Variants in CRPPA observed in about 807,000 individuals in gnomAD.
CRPPA encodes CDP-L-ribitol pyrophosphorylase A.
Under a neutral mutation model 52.0 loss-of-function variants are expected in CRPPA, and 43 were observed. The ratio of observed to expected loss-of-function variants is 0.83; its 90% CI spans 0.65 to 1.07. The LOEUF is 1.07. Ranked by LOEUF, CRPPA falls within the 50% of genes least tolerant of loss-of-function variation. CRPPA has a pLI of 0.00. For missense variants in CRPPA, 629 were observed against 551.7 expected, an observed-to-expected ratio of 1.14 and a Z score of -1.40; for synonymous variants, 250 against 203.5, an observed-to-expected ratio of 1.23 and a Z score of -1.94.
intron 3 of CRPPA, among the ~76,000 whole-genome samples, chr7:16,327,524 C>T (rs1031757480): frequency 1.0e-3 from 139 of 136,570 alleles, no homozygotes; most frequent in African/African-American, 3.6e-3. Context: ...ACCTGGGAAG[C>T]GGAGCTCGCA....
intron 9 of CRPPA, among the ~76,000 whole-genome samples, chr7:16,215,108 G>A (rs964686402): frequency 2.0e-5 from 3 of 152,158 alleles, no homozygotes; most frequent in African/African-American, 7.2e-5. Context: ...AGTTTCAGAA[G>A]AAATGTTACC....
chr7:16,278,241 A>AG lies in CRPPA; in HGVS notation c.836-16_836-15insC, dbSNP rs779080061. On this transcript the variant is annotated splice_polypyrimidine_tract_variant and intron_variant, in intron 5 of 9. Transcript: ENST00000407010. ...GGAAATTCTCTCTGAAATTAAAAAA[A>AG]AAAAGTTTTAAGTTTCAAACAAAAC... The AG allele has an allele frequency of 1.7e-5, 23 of 1,387,230 alleles. No individual in the cohort carries two copies. In the African/African-American group the frequency reaches 3.2e-4, roughly 19 times the overall value. 85.9% of individuals were successfully genotyped at this position (1,387,230 alleles called of 1,614,324 possible). A position where few individuals can be genotyped will look rare whatever the true frequency, so the allele number is the denominator to read the frequency against.
chr7:16,212,788 A>C (rs1782185415), intron 9 of CRPPA, among the ~76,000 whole-genome samples: 2 of 152,178 alleles, frequency 1.3e-5, no homozygotes, highest in African/African-American at 4.8e-5. Context: ...GGGCCTATAA[A>C]ACTTACACTG....
chr7:16,395,683 G>A (rs1406176414), intron 2 of CRPPA, among the ~76,000 whole-genome samples: 1 of 152,128 alleles, frequency 6.6e-6, no homozygotes, highest in Admixed American at 6.5e-5. Flanking sequence ...GGAATAGAGA[G>A]GCCTTCATTT....
At chr7:16,358,181 A>G (rs1264007375) in intron 3 of CRPPA, among the ~76,000 whole-genome samples, 1 of 152,114 alleles carries the variant, frequency 6.6e-6, no homozygotes, top group East Asian at 1.9e-4. Context: ...AGTAAACACC[A>G]CCGAGTGCCA....
rs367543550 is a variant in CRPPA at position 16,250,558 on chromosome 7, G to A, written c.1119+7832C>T. 5.3e-5 allele frequency among the ~76,000 whole-genome samples: 8 copies of A among 152,246 alleles called. No individual in the cohort carries two copies. In the East Asian group the frequency reaches 9.6e-4, roughly 18 times the overall value. ...AAACTCTACAAGCCAGAAGAGAGTG[G>A]GGGCCAATATTCAACATTCTTAAAG... On this transcript the variant is annotated intron_variant, in intron 8 of 9. Transcript: ENST00000407010.
chr7:16,122,401 C>T (rs1254398591), intron 9 of CRPPA, among the ~76,000 whole-genome samples: 1 of 151,728 alleles, frequency 6.6e-6, no homozygotes, highest in African/African-American at 2.4e-5. Context: ...CCACTGAATA[C>T]TAAACTTAGA....
At chr7:16,297,930 C>T (rs1784708176) in intron 5 of CRPPA, among the ~76,000 whole-genome samples, 1 of 152,176 alleles carries the variant, frequency 6.6e-6, no homozygotes, top group African/African-American at 2.4e-5. Flanking sequence ...CTATCTATAT[C>T]TCTGTATATC....
At position 16,109,854 on chromosome 7, in the gene CRPPA, T is replaced by C. The variant is rs139062238; in HGVS notation, c.1252-18055A>G. On this transcript the variant is annotated intron_variant, in intron 9 of 9. Coordinates refer to ENST00000407010, the MANE Select transcript of CRPPA (RefSeq NM_001101426.4). ...AAACATTATGCCACAGCTAACAGTA[T>C]AGTTAATGCTGAAGCCTTTCTACTA... 1.1e-4 allele frequency among the ~76,000 whole-genome samples: 17 copies of C among 152,100 alleles called. No individual in the cohort carries two copies. In the East Asian group the frequency reaches 3.1e-3, roughly 28 times the overall value.
intron 3 of CRPPA, among the ~76,000 whole-genome samples, chr7:16,332,966 C>T (rs754026579): frequency 9.2e-5 from 14 of 151,776 alleles, no homozygotes; most frequent in East Asian, 3.9e-4. Flanking sequence ...TATCAAAAGA[C>T]GGTAGGAGTA....
At position 16,421,206 on chromosome 7, in the gene CRPPA, C is replaced by G. The variant is rs1050359487; in HGVS notation, c.117G>C (p.Glu39Asp). The G allele has an allele frequency of 7.4e-7, 1 of 1,346,220 alleles. No individual in the cohort carries two copies. Among genetic ancestry groups the G allele is most frequent in the Admixed American group, 3.8e-5 (1 of 26,546 alleles). 83.4% of individuals were successfully genotyped at this position (1,346,220 alleles called of 1,614,324 possible). A position where few individuals can be genotyped will look rare whatever the true frequency, so the allele number is the denominator to read the frequency against. Residue 39 changes from glutamate (E) to aspartate (D), a missense_variant, in exon 1 of 10, where the codon GAG becomes GAC. By Grantham distance (45) the Glu-to-Asp change is conservative. Transcript: ENST00000407010. ...SASLQSVAGT[E>D]PGRHPQAVAA... ...CCACGGCTTGCGGGTGGCGCCCGGG[C>G]TCGGTCCCGGCCACGCTCTGCAGGG...
At chr7:16,277,272 A>G (rs1784222157) in intron 6 of CRPPA, 1 of 149,498 alleles carries the variant, frequency 6.7e-6, no homozygotes, top group African/African-American at 2.5e-5. Flanking sequence ...AGGCTGAGGC[A>G]GGAGAATCAC....
At chr7:16,126,546 A>T (rs189714142) in intron 9 of CRPPA, among the ~76,000 whole-genome samples, 99 of 152,334 alleles carry the variant, frequency 6.5e-4, no homozygotes, top group African/African-American at 2.2e-3. Flanking sequence ...TCAAAAAATT[A>T]AAAAATGTTC....
intron 8 of CRPPA, among the ~76,000 whole-genome samples, chr7:16,245,259 A>C (rs1783237983): frequency 6.6e-6 from 1 of 152,232 alleles, no homozygotes; most frequent in Non-Finnish European, 1.5e-5. Context: ...CCTCTTACTA[A>C]TGAGCAAACT....
intron 9 of CRPPA, among the ~76,000 whole-genome samples, chr7:16,138,279 C>T (rs1006499561): frequency 1.3e-5 from 2 of 152,152 alleles, no homozygotes; most frequent in African/African-American, 4.8e-5. Flanking sequence ...GCTGAATTAT[C>T]TACAATGCCT....
At chr7:16,366,724 A>T (rs1297032655) in intron 3 of CRPPA, among the ~76,000 whole-genome samples, 1 of 151,904 alleles carries the variant, frequency 6.6e-6, no homozygotes, top group Non-Finnish European at 1.5e-5. Context: ...AAAGAAAATG[A>T]CATGACTATA....
rs1434801531 is a variant in CRPPA, at chr7:16,089,691, T to G, written c.*2004A>C. Reference sequence around the variant, plus strand: ...GCCTGCTATGAAGGACCAAATGCTATTTTTTCCAGGCACAACTTAATATTT... The same window carrying G: ...GCCTGCTATGAAGGACCAAATGCTAGTTTTTCCAGGCACAACTTAATATTT... On this transcript the variant is annotated 3_prime_UTR_variant, in exon 10 of 10. Coordinates refer to ENST00000407010, the MANE Select transcript of CRPPA (RefSeq NM_001101426.4). 1.0e-5 allele frequency: 2 copies of G among 197,678 alleles called. No homozygotes were observed. Among genetic ancestry groups the G allele is most frequent in the African/African-American group, 4.6e-5 (2 of 43,648 alleles). The allele number at this position is 197,678 out of a possible 1,614,324, so 12.2% of individuals were successfully genotyped here. A position where few individuals can be genotyped will look rare whatever the true frequency, so the allele number is the denominator to read the frequency against.
At chr7:16,265,741 C>G in intron 6 of CRPPA, among the ~76,000 whole-genome samples, 1 of 152,278 alleles carries the variant, frequency 6.6e-6, no homozygotes, top group Non-Finnish European at 1.5e-5. Context: ...TTTATTGAGG[C>G]TTTATAACTT....
chr7:16,376,374 A>G, intron 2 of CRPPA, 133 bp from the exon 3 acceptor site: 2 of 865,748 alleles, frequency 2.3e-6, no homozygotes, highest in East Asian at 2.8e-5. Context: ...CATCTGAGTA[A>G]GTGTGATTGG....
Sources: gnomAD v4.1 joint callset for allele counts (sites outside exome capture counted in the v4.1 genomes callset) on GRCh38, gnomAD v4.1.1 for gene constraint, MANE v1.5 for transcripts, NCBI Gene and HGNC (gene_info 2026-07-23, HGNC 2026-07-21) for gene names.